The following URB1 variants were observed in gnomAD, a reference collection of about 807,000 sequenced individuals.
URB1 encodes URB1 ribosome biogenesis factor.
In URB1, 197 loss-of-function variants were observed where a neutral mutation model predicts 242.3. The ratio of observed to expected loss-of-function variants is 0.81; its 90% confidence interval spans 0.72 to 0.91. The LOEUF is 0.91. Ranked by LOEUF, URB1 falls within the 40% of genes least tolerant of loss-of-function variation. The probability of loss-of-function intolerance (pLI) is 0.00; values close to 1 mark genes in which losing one functional copy is unlikely to be tolerated. For synonymous variants in URB1, 1,153 were observed against 1,201.8 expected, an observed-to-expected ratio of 0.96 and a Z score of 0.84; for missense variants, 2,721 against 2,860.5, an observed-to-expected ratio of 0.95 and a Z score of 1.11.
At chr21:32,333,850 G>A (rs1401642224) in intron 29 of URB1, among the ~76,000 whole-genome samples, 1 of 152,092 alleles carries the variant, frequency 6.6e-6, no homozygotes, top group Admixed American at 6.5e-5. Flanking sequence ...AATATTTAAG[G>A]GCATAAAGCA....
In URB1 at chr21:32,368,781, G is replaced by A. The variant is rs200998090; in HGVS notation, c.1002-183C>T. On this transcript the variant is annotated intron_variant, in intron 8 of 38. Transcript: ENST00000382751. The stretch of plus-strand genomic sequence containing the variant: ...CTGGGGGTTCCAGCTCTCCACAGAG[G>A]GCTTCCCTCTCATCCTCTACTTCTG... 9.2e-5 allele frequency among the ~76,000 whole-genome samples: 14 copies of A among 152,196 alleles called. No homozygotes were observed. The East Asian group carries it at 1.4e-3, about 15-fold the overall frequency.
At chr21:32,333,231 T>G in intron 30 of URB1, 86 bp downstream of exon 30, 1 of 1,082,290 alleles carries the variant, frequency 9.2e-7, no homozygotes, top group East Asian at 2.6e-5. Context: ...CCTCATGTGG[T>G]AATTATGGCA....
chr21:32,355,191 C>T (rs574828217), intron 16 of URB1, among the ~76,000 whole-genome samples, 194 bp from the exon 17 acceptor site: 5 of 152,162 alleles, frequency 3.3e-5, no homozygotes, highest in Admixed American at 6.5e-5. Flanking sequence ...TATAGCACTG[C>T]TTTTAATACC....
intron 19 of URB1, among the ~76,000 whole-genome samples, chr21:32,351,565 G>A (rs2033158894): frequency 6.6e-6 from 1 of 152,194 alleles, no homozygotes; most frequent in South Asian, 2.1e-4. Flanking sequence ...CCCCAGGCCT[G>A]CAGCAGCATG....
At chr21:32,339,281 A>C (rs2033000377) in intron 25 of URB1, among the ~76,000 whole-genome samples, 1 of 152,180 alleles carries the variant, frequency 6.6e-6, no homozygotes. Context: ...GGCATGAGCC[A>C]CTGCGCCCGG....
intron 25 of URB1, among the ~76,000 whole-genome samples, chr21:32,339,358 AC>A (rs1311195803): frequency 2.0e-5 from 3 of 151,960 alleles, no homozygotes; most frequent in African/African-American, 4.8e-5. Flanking sequence ...TGCAGCAAAT[AC>A]CCTATACCCA....
At chr21:32,368,054 C>T (rs2033365276) in intron 9 of URB1, among the ~76,000 whole-genome samples, 1 of 152,064 alleles carries the variant, frequency 6.6e-6, no homozygotes, top group Non-Finnish European at 1.5e-5. Flanking sequence ...ACTCCCTATG[C>T]CCCCCTACCT....
chr21:32,319,468 A>T, intron 35 of URB1, 54 bp from the exon 36 acceptor site: 1 of 1,437,432 alleles, frequency 7.0e-7, no homozygotes, highest in Non-Finnish European at 9.2e-7. Context: ...TTTCAGCAGG[A>T]TCAGACTATC....
At chr21:32,375,697 C>A (rs1260013584) in intron 5 of URB1, among the ~76,000 whole-genome samples, 1 of 151,680 alleles carries the variant, frequency 6.6e-6, no homozygotes, top group African/African-American at 2.4e-5. Flanking sequence ...GTAAGCCCAG[C>A]ACTACAGGAG....
At chr21:32,380,906 T>C (rs956231042) in intron 4 of URB1, among the ~76,000 whole-genome samples, 17 of 152,218 alleles carry the variant, frequency 1.1e-4, no homozygotes, top group African/African-American at 3.9e-4. Flanking sequence ...ATCCTGCTGG[T>C]ACACAGCAGA....
chr21:32,353,612 T>C (rs991525709), intron 18 of URB1, among the ~76,000 whole-genome samples: 2 of 152,184 alleles, frequency 1.3e-5, no homozygotes, highest in African/African-American at 4.8e-5. Context: ...GTATGAAGGA[T>C]TCATCCTCTA....
intron 20 of URB1, among the ~76,000 whole-genome samples, chr21:32,350,125 G>GAAA (rs760382498): frequency 1.8e-5 from 1 of 55,402 alleles, no homozygotes. Context: ...CTCTGTCTCA[G>GAAA]AAAAAAAAAA....
intron 1 of URB1, among the ~76,000 whole-genome samples, chr21:32,390,773 T>A (rs999547848): frequency 1.3e-5 from 2 of 152,226 alleles, no homozygotes; most frequent in African/African-American, 4.8e-5. Flanking sequence ...TTGGTGGGAC[T>A]GTAAACTAGT....
rs2032608549 is a variant in URB1, at chr21:32,312,605, T to C, written c.*2313A>G. On this transcript the variant is annotated 3_prime_UTR_variant, in exon 39 of 39. Transcript: ENST00000382751. ...AGCCAGGCCGGGTAAGCAGGATCTA[T>C]GCCCAAATGCTGTCACAGAACACAA... 1 of 162,390 alleles carries C rather than the reference T, an allele frequency of 6.2e-6. No homozygotes were observed. Among genetic ancestry groups the C allele is most frequent in the Non-Finnish European group, 1.4e-5 (1 of 73,086 alleles). 10.1% of individuals were successfully genotyped at this position (162,390 alleles called of 1,614,324 possible).
At chr21:32,381,677 T>A (rs2033528682) in intron 4 of URB1, among the ~76,000 whole-genome samples, 1 of 152,230 alleles carries the variant, frequency 6.6e-6, no homozygotes, top group Non-Finnish European at 1.5e-5. Context: ...AAATTATTAA[T>A]GTGTTAGGCG....
chr21:32,383,730 T>G (rs1193996771), intron 3 of URB1, among the ~76,000 whole-genome samples, 176 bp from the exon 4 acceptor site: 3 of 151,726 alleles, frequency 2.0e-5, no homozygotes, highest in African/African-American at 4.8e-5. Flanking sequence ...GCATAAAGAT[T>G]CAAAATAACG....
intron 9 of URB1, among the ~76,000 whole-genome samples, chr21:32,368,135 T>C (rs1353677413): frequency 1.3e-5 from 2 of 152,162 alleles, no homozygotes; most frequent in East Asian, 3.9e-4. Context: ...TGGCGCGATC[T>C]CAGCTCACTG....
chr21:32,313,496 G>A lies in URB1; in HGVS notation c.*1422C>T, dbSNP rs1182339122. 6.6e-6 allele frequency: 1 copy of A among 152,206 alleles called. No individual in the cohort carries two copies. The allele number at this position is 152,206 out of a possible 1,614,324, so 9.4% of individuals were successfully genotyped here. ...TTGTAAGGTTTATTTGGGTAGGGAA[G>A]GGGACAAGTGAGGTAACTGATCCTT... is the stretch of plus-strand genomic sequence containing the variant. On this transcript the variant is annotated 3_prime_UTR_variant, in exon 39 of 39. Coordinates refer to ENST00000382751, the MANE Select transcript of URB1 (RefSeq NM_014825.3).
chr21:32,351,341 T>C (rs905375552), intron 19 of URB1, among the ~76,000 whole-genome samples: 11 of 152,160 alleles, frequency 7.2e-5, no homozygotes, highest in African/African-American at 2.7e-4. Context: ...GGGTCGAATA[T>C]CTTGTTAGAA....
Sources: allele counts gnomAD v4.1 joint callset (sites outside exome capture counted in the v4.1 genomes callset), GRCh38; gene constraint gnomAD v4.1.1; transcripts MANE v1.5; gene names NCBI Gene and HGNC (gene_info 2026-07-23, HGNC 2026-07-21).